The following SMIM7 variants were observed in gnomAD, a reference collection of about 807,000 sequenced individuals.
The protein encoded by SMIM7 is small integral membrane protein 7, also known as UPF0608 protein C19orf42.
A neutral mutation model predicts 13.3 loss-of-function variants in SMIM7; 12 were observed. The observed-to-expected ratio is 0.90, with a 90% CI of 0.58 to 1.46. SMIM7 has a LOEUF of 1.46. Among genes scored for constraint, SMIM7 ranks in the 40% most tolerant of loss-of-function variants. SMIM7 has a pLI of 0.00. For missense variants in SMIM7, 114 were observed against 94.8 expected (o/e 1.20, Z -0.84); for synonymous variants, 36 against 35.8 (o/e 1.01, Z -0.02).
At chr19:16,653,863 C>A in intron 4 of SMIM7, 172 bp downstream of exon 4, 1 of 618,068 alleles carries the variant, frequency 1.6e-6, no homozygotes, top group Non-Finnish European at 2.8e-6. Flanking sequence ...CCACTGCACT[C>A]CAGTTTAGGC....
chr19:16,652,391 AG>A, intron 4 of SMIM7: 1 of 253,374 alleles, frequency 3.9e-6, no homozygotes, highest in Non-Finnish European at 6.2e-6. Flanking sequence ...TGGTAAAGAC[AG>A]GGTTTCACCA....
Position 16,647,185 on chromosome 19 carries a change from G to C in SMIM7, c.*61C>G. Reference sequence around the variant, plus strand: ...TCAAAAACATTCTTGAAGTCATCAGGAATGGAGGAATGGAGACTCGGCATC... The same window carrying C: ...TCAAAAACATTCTTGAAGTCATCAGCAATGGAGGAATGGAGACTCGGCATC... On this transcript the variant is annotated 3_prime_UTR_variant, in exon 5 of 5. Coordinates refer to ENST00000487416, the MANE Select transcript of SMIM7 (RefSeq NM_024104.4). 6.2e-7 allele frequency: 1 copy of C among 1,607,546 alleles called. No individual in the cohort carries two copies. Among genetic ancestry groups the C allele is most frequent in the Non-Finnish European group, 8.5e-7 (1 of 1,174,522 alleles).
At chr19:16,637,633 A>G (rs2122492908) in intron 4 of SMIM7, among the ~76,000 whole-genome samples, 1 of 152,342 alleles carries the variant, frequency 6.6e-6, no homozygotes, top group South Asian at 2.1e-4. Context: ...GGTTGAGGCC[A>G]CCAGTCACTT....
At chr19:16,657,015 C>T (rs1247912994) in intron 3 of SMIM7, among the ~76,000 whole-genome samples, 2 of 152,188 alleles carry the variant, frequency 1.3e-5, no homozygotes, top group African/African-American at 4.8e-5. Context: ...CTGCCTCTGT[C>T]CTTCTGCACA....
intron 3 of SMIM7, chr19:16,655,169 A>G: frequency 5.5e-6 from 2 of 364,230 alleles, no homozygotes; most frequent in Non-Finnish European, 1.1e-5. Context: ...CTGGGTTTGC[A>G]GTGTTTGTAA....
rs989874211 is a variant in SMIM7, at chr19:16,649,030, C to G, written c.213-1769G>C. 4.8e-4 allele frequency among the ~76,000 whole-genome samples: 73 copies of G among 151,924 alleles called. 1 individual carries two copies. The highest frequency in any genetic ancestry group is 9.1e-4 in the Non-Finnish European group (62 of 67,946). On this transcript the variant is annotated intron_variant, in intron 4 of 4. Transcript: ENST00000487416. ...AGTGAGACTCTGTTTCAAAAACAAACAAAAAACTTTCATACCTACTAGGAT... is the reference window on the plus strand; with the variant it reads ...AGTGAGACTCTGTTTCAAAAACAAAGAAAAAACTTTCATACCTACTAGGAT...
rs192436950 is a variant in SMIM7 at position 16,652,869 on chromosome 19, C to G, written c.212+1166G>C. On this transcript the variant is annotated intron_variant, in intron 4 of 4. Transcript: ENST00000487416. ...CTCCCGTCGTGTCTTTTCCTAAATCCATTTACAGCAAATCTCACAATTCGT... is the reference window on the plus strand; with the variant it reads ...CTCCCGTCGTGTCTTTTCCTAAATCGATTTACAGCAAATCTCACAATTCGT... 153 of 1,550,520 alleles carry G rather than the reference C, an allele frequency of 9.9e-5. No homozygotes were observed. In the African/African-American group the frequency reaches 2.0e-3, roughly 20 times the overall value.
intron 3 of SMIM7, among the ~76,000 whole-genome samples, chr19:16,655,801 G>A (rs906048123): frequency 6.6e-6 from 1 of 151,146 alleles, no homozygotes; most frequent in African/African-American, 2.4e-5. Flanking sequence ...CACAAGCCCA[G>A]AAATTTCTAC....
chr19:16,643,704 T>A (rs558199983), downstream of SMIM7, among the ~76,000 whole-genome samples: 3 of 152,184 alleles, frequency 2.0e-5, no homozygotes, highest in South Asian at 4.1e-4. Flanking sequence ...GCCTAAAAAA[T>A]TTTTTCAAGC....
Position 16,635,900 on chromosome 19 carries a change from AT to A in SMIM7, c.*138-4177del, listed in dbSNP as rs762067235. Among the ~76,000 whole-genome samples the A allele has an allele frequency of 4.4e-3, 372 of 83,654 alleles. 1 individual carries two copies. The highest frequency in any genetic ancestry group is 0.017 in the African/African-American group (260 of 15,352). 54.9% of individuals were successfully genotyped at this position (83,654 alleles called of 152,430 possible). On this transcript the variant is annotated intron_variant and NMD_transcript_variant, in intron 4 of 4. Coordinates refer to the SMIM7 transcript ENST00000465250. ...CCCTGTCTCAAAAAAAAAAAAAAAA[AT>A]ATATATATATATATATATATATGTA...
intron 4 of SMIM7, among the ~76,000 whole-genome samples, chr19:16,649,346 T>C (rs1003308304): frequency 3.3e-5 from 5 of 152,032 alleles, no homozygotes; most frequent in African/African-American, 1.2e-4. Context: ...GGGAGGCCGA[T>C]GTGGGTGGAT....
At chr19:16,634,557 A>G (rs995199854) in intron 4 of SMIM7, 4 of 152,172 alleles carry the variant, frequency 2.6e-5, no homozygotes, top group African/African-American at 9.7e-5. Flanking sequence ...TAGGCGGGTC[A>G]CTTGAGCTCA....
chr19:16,653,778 C>T (rs2086560350), intron 4 of SMIM7: 2 of 465,744 alleles, frequency 4.3e-6, no homozygotes, highest in Non-Finnish European at 7.6e-6. Flanking sequence ...ACCTGTAGTC[C>T]CAGTTACTCG....
downstream of SMIM7, chr19:16,640,776 T>C (rs886915197): frequency 4.6e-5 from 7 of 152,118 alleles, no homozygotes; most frequent in African/African-American, 1.4e-4. Flanking sequence ...CTACTAAAAA[T>C]ACCAACATTA....
intron 2 of SMIM7, 171 bp downstream of exon 2, chr19:16,659,787 CG>C (rs1227959940): frequency 1.2e-6 from 1 of 828,118 alleles, no homozygotes. Context: ...TAAGGTCTCT[CG>C]GGGGGTGGGG....
chr19:16,644,120 T>G (rs954506156), downstream of SMIM7, among the ~76,000 whole-genome samples: 7 of 136,472 alleles, frequency 5.1e-5, no homozygotes, highest in African/African-American at 1.2e-4. Context: ...TTGTTTGCGT[T>G]TTTTTTTTTT....
Position 16,646,959 on chromosome 19 carries a change from A to T in SMIM7, c.*287T>A. 1.9e-6 allele frequency: 1 copy of T among 517,592 alleles called. No homozygotes were observed. Among genetic ancestry groups the T allele is most frequent in the African/African-American group, 1.9e-5 (1 of 51,970 alleles). The allele number at this position is 517,592 out of a possible 1,614,324, so 32.1% of individuals were successfully genotyped here. A position where few individuals can be genotyped will look rare whatever the true frequency, so the allele number is the denominator to read the frequency against. On this transcript the variant is annotated 3_prime_UTR_variant, in exon 5 of 5. Transcript: ENST00000487416. ...TCTGGATAGAAATGATTTTTCTTTT[A>T]TCTATGGGGAATGCAATTTCATCAC...
intron 3 of SMIM7, among the ~76,000 whole-genome samples, chr19:16,658,408 T>C (rs998188701): frequency 6.6e-6 from 1 of 152,164 alleles, no homozygotes; most frequent in Non-Finnish European, 1.5e-5. Flanking sequence ...AGACTCCAAA[T>C]AGTTACACAA....
At chr19:16,649,188 T>A (rs561884070) in intron 4 of SMIM7, among the ~76,000 whole-genome samples, 175 of 151,936 alleles carry the variant, frequency 1.2e-3, no homozygotes, top group African/African-American at 4.1e-3. Flanking sequence ...CTCAAAAGGA[T>A]AAACACAGGT....
Sources: allele counts gnomAD v4.1 joint callset (sites outside exome capture counted in the v4.1 genomes callset), GRCh38; gene constraint gnomAD v4.1.1; transcripts MANE v1.5; gene names NCBI Gene and HGNC (gene_info 2026-07-23, HGNC 2026-07-21).